The following ZFHX3 variants were observed in gnomAD, a reference collection of about 807,000 sequenced individuals.
The protein encoded by ZFHX3 is zinc finger homeobox protein 3.
Under a neutral mutation model 279.1 loss-of-function variants are expected in ZFHX3, and 42 were observed. The ratio of observed to expected loss-of-function variants is 0.15; its 90% confidence interval spans 0.12 to 0.19. ZFHX3 has a LOEUF of 0.19. Among genes scored for constraint, ZFHX3 ranks in the 10% least tolerant of loss-of-function variants. ZFHX3 has a pLI of 1.00. For synonymous variants in ZFHX3, 2,293 were observed against 1,957.8 expected (o/e 1.17, Z -4.52); for missense variants, 4,981 against 4,754.0 (o/e 1.05, Z -1.40).
At chr16:73,709,761 C>A (rs1193231180) in intron 1 of ZFHX3, among the ~76,000 whole-genome samples, 2 of 151,842 alleles carry the variant, frequency 1.3e-5, no homozygotes, top group African/African-American at 4.8e-5. Flanking sequence ...CCAAAAGAGT[C>A]GATTTTAAAT....
chr16:73,773,887 C>T (rs138189317), intron 1 of ZFHX3, among the ~76,000 whole-genome samples: 5 of 152,196 alleles, frequency 3.3e-5, no homozygotes, highest in African/African-American at 1.2e-4. Flanking sequence ...CCTGTAAACC[C>T]AGCAATTTGG....
At chr16:73,296,069 C>CGTGTGT (rs58283675) in intron 4 of ZFHX3, among the ~76,000 whole-genome samples, 10 of 148,974 alleles carry the variant, frequency 6.7e-5, no homozygotes, top group Non-Finnish European at 1.0e-4. Context: ...ATTACAATCC[C>CGTGTGT]GTGTGTGTGT....
At chr16:73,023,217 C>T (rs933932206) in intron 1 of ZFHX3, among the ~76,000 whole-genome samples, 1 of 152,178 alleles carries the variant, frequency 6.6e-6, no homozygotes, top group African/African-American at 2.4e-5. Context: ...CAGAGCAAGA[C>T]TCTGTCTCAA....
intron 2 of ZFHX3, among the ~76,000 whole-genome samples, chr16:73,601,223 C>T (rs1189856968): frequency 2.7e-5 from 4 of 147,128 alleles, no homozygotes; most frequent in South Asian, 2.1e-4. Flanking sequence ...GAGGCTGAAG[C>T]GGGTGGATCA....
At chr16:73,051,069 C>G (rs771016396), upstream of ZFHX3, among the ~76,000 whole-genome samples, 3 of 151,666 alleles carry the variant, frequency 2.0e-5, no homozygotes. Flanking sequence ...TAAATATGAT[C>G]TCTAAGATAC....
At chr16:73,728,510 T>C (rs1468059229) in intron 1 of ZFHX3, among the ~76,000 whole-genome samples, 1 of 152,216 alleles carries the variant, frequency 6.6e-6, no homozygotes, top group Admixed American at 6.5e-5. Flanking sequence ...GTTCTAGGGC[T>C]AATGGTAGCT....
At chr16:73,221,272 A>G (rs1258155781) in intron 5 of ZFHX3, among the ~76,000 whole-genome samples, 1 of 152,214 alleles carries the variant, frequency 6.6e-6, no homozygotes, top group African/African-American at 2.4e-5. Flanking sequence ...AACTGCAAAA[A>G]AATACAAAGA....
At chr16:73,360,638 C>T (rs1426814939) in intron 3 of ZFHX3, among the ~76,000 whole-genome samples, 4 of 152,126 alleles carry the variant, frequency 2.6e-5, no homozygotes, top group African/African-American at 7.2e-5. Flanking sequence ...CATGCCCAGC[C>T]GTATAAAGCC....
chr16:73,657,541 G>C (rs1345153438), intron 2 of ZFHX3, among the ~76,000 whole-genome samples: 1 of 152,116 alleles, frequency 6.6e-6, no homozygotes, highest in Non-Finnish European at 1.5e-5. Context: ...ATCAATGTTA[G>C]AACATTTTAT....
intron 1 of ZFHX3, among the ~76,000 whole-genome samples, chr16:73,680,809 G>C (rs1042494297): frequency 6.6e-6 from 1 of 152,144 alleles, no homozygotes; most frequent in Non-Finnish European, 1.5e-5. Context: ...AAATGATTTG[G>C]ATTTAATTGT....
chr16:72,887,304 C>A (rs550871407), intron 4 of ZFHX3, among the ~76,000 whole-genome samples: 2 of 152,154 alleles, frequency 1.3e-5, no homozygotes, highest in African/African-American at 4.8e-5. Flanking sequence ...CTACTTCTGG[C>A]AGAGTAAGGT....
intron 2 of ZFHX3, among the ~76,000 whole-genome samples, chr16:73,632,437 C>T (rs2052483016): frequency 6.6e-6 from 1 of 152,100 alleles, no homozygotes; most frequent in Non-Finnish European, 1.5e-5. Flanking sequence ...AATCCCAGCA[C>T]TTTGGGAGGC....
intron 1 of ZFHX3, among the ~76,000 whole-genome samples, chr16:73,043,490 A>C (rs1051908386): frequency 6.6e-6 from 1 of 152,202 alleles, no homozygotes; most frequent in Non-Finnish European, 1.5e-5. Context: ...AAGAAACTCC[A>C]TGAATGAAGG....
chr16:73,015,233 G>C (rs1170773902), intron 1 of ZFHX3: 2 of 151,896 alleles, frequency 1.3e-5, no homozygotes, highest in African/African-American at 4.8e-5. Flanking sequence ...TTCTTGTAGA[G>C]ACAGGGTTTT....
intron 2 of ZFHX3, among the ~76,000 whole-genome samples, chr16:73,571,071 CTCTAA>C (rs923118638): frequency 1.3e-4 from 13 of 102,348 alleles, no homozygotes; most frequent in East Asian, 2.6e-4. Context: ...GAATAATTTT[CTCTAA>C]TCTAATCAGT....
rs1419052952 is a variant in ZFHX3, at chr16:72,960,251, A to G, written c.-49-57T>C. The G allele has an allele frequency of 2.8e-6, 4 of 1,410,126 alleles. No homozygotes were observed. In the East Asian group the frequency reaches 7.1e-5, roughly 25 times the overall value. 87.4% of individuals were successfully genotyped at this position (1,410,126 alleles called of 1,614,324 possible). On this transcript the variant is annotated intron_variant, in intron 1 of 9. Coordinates refer to ENST00000268489, the MANE Select transcript of ZFHX3 (RefSeq NM_006885.4). ...GAGAGGGGAAAGAGAGAGAGAAAGG[A>G]AAGAGGTTAGGAGGGCCGAGGCTGA...
chr16:73,344,007 T>G (rs1191681939), intron 3 of ZFHX3, among the ~76,000 whole-genome samples: 3 of 152,304 alleles, frequency 2.0e-5, no homozygotes, highest in Non-Finnish European at 1.5e-5. Flanking sequence ...AAATAAGAAG[T>G]GCCCATGGAT....
intron 1 of ZFHX3, among the ~76,000 whole-genome samples, chr16:73,884,073 C>T (rs531537222): frequency 1.3e-5 from 2 of 152,298 alleles, no homozygotes; most frequent in African/African-American, 2.4e-5. Flanking sequence ...TTTCGTTACA[C>T]ATTTTTGTGA....
At chr16:73,642,268 G>A (rs540694529) in intron 2 of ZFHX3, among the ~76,000 whole-genome samples, 1 of 152,258 alleles carries the variant, frequency 6.6e-6, no homozygotes, top group Non-Finnish European at 1.5e-5. Context: ...CTAAGTCTTT[G>A]AGAGGATACA....
Sources: allele counts gnomAD v4.1 joint callset (sites outside exome capture counted in the v4.1 genomes callset), GRCh38; gene constraint gnomAD v4.1.1; transcripts MANE v1.5; gene names NCBI Gene and HGNC (gene_info 2026-07-23, HGNC 2026-07-21).